RORB: variants seen among roughly 807,000 people sequenced by gnomAD.
RORB encodes the protein nuclear receptor ROR-beta.
RORB carries 6 observed loss-of-function variants against 59.1 expected under a neutral mutation model. The ratio of observed to expected loss-of-function variants is 0.10; its 90% confidence interval spans 0.06 to 0.20. RORB has a LOEUF of 0.20. Among genes scored for constraint, RORB ranks in the 10% least tolerant of loss-of-function variants. RORB has a pLI of 1.00. For missense variants in RORB, 320 were observed against 560.5 expected (o/e 0.57, Z 4.33); for synonymous variants, 215 against 204.5 (o/e 1.05, Z -0.44).
intron 4 of RORB, among the ~76,000 whole-genome samples, chr9:74,648,330 G>A (rs1217238266): frequency 6.6e-6 from 1 of 152,162 alleles, no homozygotes; most frequent in East Asian, 1.9e-4. Flanking sequence ...CTAGCCATGT[G>A]AATGTATTCA....
intron 1 of RORB, among the ~76,000 whole-genome samples, chr9:74,627,447 T>G (rs1309422941): frequency 6.6e-6 from 1 of 152,184 alleles, no homozygotes; most frequent in Non-Finnish European, 1.5e-5. Flanking sequence ...ACATGTTGAG[T>G]CTGGATTATA....
intron 1 of RORB, among the ~76,000 whole-genome samples, chr9:74,509,456 A>G (rs906054062): frequency 2.0e-5 from 3 of 152,060 alleles, no homozygotes; most frequent in South Asian, 2.1e-4. Flanking sequence ...ACTTTAAGGC[A>G]GCAATTTTAT....
At chr9:74,508,323 T>A (rs895339889) in intron 1 of RORB, among the ~76,000 whole-genome samples, 1 of 151,950 alleles carries the variant, frequency 6.6e-6, no homozygotes, top group Admixed American at 6.6e-5. Flanking sequence ...CAAAGATAAG[T>A]TCTGGCTGCC....
chr9:74,662,747 C>G, intron 6 of RORB, 141 bp downstream of exon 6: 1 of 819,262 alleles, frequency 1.2e-6, no homozygotes, highest in South Asian at 1.8e-5. Context: ...CCAAAGGAAA[C>G]TCTCAGTAAT....
chr9:74,579,710 G>A (rs1383533035), intron 1 of RORB, among the ~76,000 whole-genome samples: 1 of 152,068 alleles, frequency 6.6e-6, no homozygotes, highest in Non-Finnish European at 1.5e-5. Context: ...TAAAGCCCCA[G>A]CAATACGAAA....
At chr9:74,574,856 C>T (rs147500981) in intron 1 of RORB, among the ~76,000 whole-genome samples, 44 of 152,214 alleles carry the variant, frequency 2.9e-4, no homozygotes, top group African/African-American at 1.1e-3. Flanking sequence ...AAAGCAACAC[C>T]TCAGGAAGGA....
At chr9:74,666,959 T>C (rs1824277965) in intron 7 of RORB, among the ~76,000 whole-genome samples, 1 of 152,234 alleles carries the variant, frequency 6.6e-6, no homozygotes, top group Non-Finnish European at 1.5e-5. Context: ...CCACTGCCCT[T>C]TCACCTCTTG....
At chr9:74,509,536 A>T (rs1825907954) in intron 1 of RORB, among the ~76,000 whole-genome samples, 1 of 152,094 alleles carries the variant, frequency 6.6e-6, no homozygotes, top group Non-Finnish European at 1.5e-5. Flanking sequence ...TTAGTTTGTG[A>T]TGTGAATGCA....
intron 1 of RORB, among the ~76,000 whole-genome samples, chr9:74,628,825 G>A (rs2118409996): frequency 6.6e-6 from 1 of 152,230 alleles, no homozygotes; most frequent in Non-Finnish European, 1.5e-5. Context: ...AATACTATCA[G>A]ACATAGGAAT....
At chr9:74,624,654 G>T (rs1482042064) in intron 1 of RORB, among the ~76,000 whole-genome samples, 8 of 152,108 alleles carry the variant, frequency 5.3e-5, no homozygotes, top group Non-Finnish European at 8.8e-5. Context: ...AGAATATTTT[G>T]TACCTAATAG....
chr9:74,628,789 G>A (rs1416953233), intron 1 of RORB, among the ~76,000 whole-genome samples: 1 of 152,170 alleles, frequency 6.6e-6, no homozygotes, highest in Admixed American at 6.5e-5. Flanking sequence ...AGATCTTCTA[G>A]TGTGTATAAT....
intron 1 of RORB, among the ~76,000 whole-genome samples, chr9:74,556,371 A>G (rs1229364597): frequency 6.6e-6 from 1 of 152,294 alleles, no homozygotes; most frequent in South Asian, 2.1e-4. Context: ...TGAGCCTTTC[A>G]AAAGGAACTC....
At chr9:74,508,734 T>G (rs1291165991) in intron 1 of RORB, among the ~76,000 whole-genome samples, 1 of 152,108 alleles carries the variant, frequency 6.6e-6, no homozygotes, top group Non-Finnish European at 1.5e-5. Context: ...AGATACTATT[T>G]GTTCCATTTG....
chr9:74,647,471 G>A (rs1226584828), intron 4 of RORB, among the ~76,000 whole-genome samples: 3 of 152,010 alleles, frequency 2.0e-5, no homozygotes, highest in African/African-American at 7.3e-5. Context: ...CAATGCTAAG[G>A]GTGTACATTG....
At chr9:74,537,546 T>C (rs974259970) in intron 1 of RORB, among the ~76,000 whole-genome samples, 4 of 152,052 alleles carry the variant, frequency 2.6e-5, no homozygotes, top group Non-Finnish European at 5.9e-5. Flanking sequence ...CAAATAACAT[T>C]TAATTTTATT....
At chr9:74,566,371 A>G (rs900447851) in intron 1 of RORB, among the ~76,000 whole-genome samples, 1 of 151,872 alleles carries the variant, frequency 6.6e-6, no homozygotes, top group Non-Finnish European at 1.5e-5. Context: ...TTGAGAACAT[A>G]TTATTTATGT....
chr9:74,574,564 T>G (rs1822601879), intron 1 of RORB, among the ~76,000 whole-genome samples: 1 of 152,124 alleles, frequency 6.6e-6, no homozygotes, highest in Admixed American at 6.6e-5. Flanking sequence ...TATTTGTGTG[T>G]CTTTAGGCCT....
At chr9:74,512,854 A>C (rs1825960471) in intron 1 of RORB, among the ~76,000 whole-genome samples, 2 of 152,106 alleles carry the variant, frequency 1.3e-5, no homozygotes, top group African/African-American at 4.8e-5. Context: ...GAACTCTCTC[A>C]CTCATTTCAA....
intron 6 of RORB, among the ~76,000 whole-genome samples, chr9:74,663,242 G>A (rs760035087): frequency 4.6e-5 from 7 of 151,910 alleles, no homozygotes; most frequent in Non-Finnish European, 1.0e-4. Flanking sequence ...GTGTTTATGC[G>A]AATTTTCATG....
Sources: allele counts gnomAD v4.1 joint callset (sites outside exome capture counted in the v4.1 genomes callset), GRCh38; gene constraint gnomAD v4.1.1; transcripts MANE v1.5; gene names NCBI Gene and HGNC (gene_info 2026-07-23, HGNC 2026-07-21).